Variants in IQCM observed in about 807,000 individuals in gnomAD.
IQCM encodes the protein IQ domain-containing protein M.
A neutral mutation model predicts 57.6 loss-of-function variants in IQCM; 45 were observed. The observed-to-expected ratio is 0.78, with a 90% CI of 0.62 to 1.00. The LOEUF is 1.00. IQCM is among the 50% of genes least tolerant of loss of function. The pLI is 0.00. For missense variants in IQCM, 468 were observed against 511.6 expected, an observed-to-expected ratio of 0.91 and a Z score of 0.82; for synonymous variants, 148 against 158.9, an observed-to-expected ratio of 0.93 and a Z score of 0.51.
intron 12 of IQCM, among the ~76,000 whole-genome samples, chr4:149,474,881 G>A (rs890330994): frequency 2.6e-5 from 4 of 152,018 alleles, no homozygotes; most frequent in East Asian, 1.9e-4. Context: ...TGGCCACGGT[G>A]TTCAAAAAAA....
chr4:149,737,415 C>T (rs1767040266), intron 3 of IQCM, among the ~76,000 whole-genome samples: 1 of 152,112 alleles, frequency 6.6e-6, no homozygotes, highest in African/African-American at 2.4e-5. Context: ...GGGTATGTGA[C>T]AAATCAAGTA....
intron 12 of IQCM, among the ~76,000 whole-genome samples, chr4:149,502,653 G>A (rs967376833): frequency 6.6e-6 from 1 of 151,894 alleles, no homozygotes. Context: ...CAGCCTGGGT[G>A]AGAGAATGAG....
chr4:149,756,879 A>T (rs1361118228), intron 2 of IQCM, among the ~76,000 whole-genome samples: 1 of 152,248 alleles, frequency 6.6e-6, no homozygotes, highest in African/African-American at 2.4e-5. Flanking sequence ...TAAAGGTAAC[A>T]TTTAATAGAA....
intron 7 of IQCM, among the ~76,000 whole-genome samples, chr4:149,637,369 A>G (rs995889075): frequency 1.3e-5 from 2 of 152,142 alleles, no homozygotes; most frequent in Non-Finnish European, 2.9e-5. Context: ...AACATTGCTG[A>G]GAGATTAAAG....
At chr4:149,709,314 G>T (rs543187400) in intron 5 of IQCM, among the ~76,000 whole-genome samples, 14 of 152,120 alleles carry the variant, frequency 9.2e-5, no homozygotes, top group South Asian at 4.1e-4. Flanking sequence ...TGGTTGAAGA[G>T]AAATAAAGGA....
At chr4:149,586,109 G>C (rs2149996599) in intron 9 of IQCM, among the ~76,000 whole-genome samples, 1 of 151,654 alleles carries the variant, frequency 6.6e-6, no homozygotes, top group African/African-American at 2.4e-5. Flanking sequence ...AAGGAAAAAA[G>C]GCTTCCCAAA....
intron 13 of IQCM, among the ~76,000 whole-genome samples, chr4:149,375,005 T>C (rs1387823497): frequency 6.6e-6 from 1 of 151,522 alleles, no homozygotes; most frequent in Non-Finnish European, 1.5e-5. Context: ...GTGTTGTGTG[T>C]GTGTGATGTT....
At chr4:149,755,032 C>T (rs907187968) in intron 2 of IQCM, among the ~76,000 whole-genome samples, 2 of 152,172 alleles carry the variant, frequency 1.3e-5, no homozygotes, top group African/African-American at 2.4e-5. Context: ...CTGTTTTGTA[C>T]ATTCTACGTC....
chr4:149,762,278 C>T (rs1023010245), intron 2 of IQCM, among the ~76,000 whole-genome samples: 14 of 150,468 alleles, frequency 9.3e-5, no homozygotes, highest in Non-Finnish European at 1.9e-4. Flanking sequence ...ATATCTGTCA[C>T]GGGTAGGGAG....
intron 7 of IQCM, among the ~76,000 whole-genome samples, chr4:149,624,534 A>T (rs1756631491): frequency 6.6e-6 from 1 of 152,200 alleles, no homozygotes; most frequent in African/African-American, 2.4e-5. Flanking sequence ...CAAATGACTC[A>T]CAGAAAACTG....
At chr4:149,383,569 C>T (rs1162191188) in intron 13 of IQCM, among the ~76,000 whole-genome samples, 1 of 152,134 alleles carries the variant, frequency 6.6e-6, no homozygotes, top group African/African-American at 2.4e-5. Flanking sequence ...TCTAATATTA[C>T]ATTTGAAAGA....
intron 9 of IQCM, among the ~76,000 whole-genome samples, chr4:149,573,632 C>T (rs539342815): frequency 1.3e-5 from 2 of 151,816 alleles, no homozygotes; most frequent in South Asian, 4.2e-4. Flanking sequence ...TTCTCCTTCA[C>T]TCTTCAAAAT....
At chr4:149,702,340 C>T (rs1250618941) in intron 5 of IQCM, among the ~76,000 whole-genome samples, 1 of 150,068 alleles carries the variant, frequency 6.7e-6, no homozygotes, top group Non-Finnish European at 1.5e-5. Context: ...ACCCATAGCA[C>T]ATTGGCATTT....
intron 12 of IQCM, among the ~76,000 whole-genome samples, chr4:149,502,615 A>G (rs1743373125): frequency 6.6e-6 from 1 of 152,206 alleles, no homozygotes; most frequent in South Asian, 2.1e-4. Context: ...TCGAGGCTGC[A>G]GTGAGCCATG....
intron 12 of IQCM, among the ~76,000 whole-genome samples, chr4:149,524,925 C>T (rs1284673529): frequency 6.6e-6 from 1 of 151,206 alleles, no homozygotes; most frequent in African/African-American, 2.4e-5. Flanking sequence ...TAATATAAAC[C>T]AATAGTGGTA....
intron 4 of IQCM, among the ~76,000 whole-genome samples, chr4:149,734,001 T>A (rs1766703869): frequency 6.6e-6 from 1 of 152,078 alleles, no homozygotes; most frequent in African/African-American, 2.4e-5. Flanking sequence ...ATACTGGTAA[T>A]ACAACATACA....
intron 7 of IQCM, among the ~76,000 whole-genome samples, chr4:149,632,295 A>C (rs1004369451): frequency 6.6e-6 from 1 of 152,238 alleles, no homozygotes; most frequent in Non-Finnish European, 1.5e-5. Context: ...GCAATGTGAA[A>C]GAATGATTAA....
intron 13 of IQCM, among the ~76,000 whole-genome samples, chr4:149,373,116 G>C (rs923177066): frequency 2.0e-5 from 3 of 152,142 alleles, no homozygotes; most frequent in Admixed American, 6.6e-5. Flanking sequence ...ACTAAATGTA[G>C]AAAGTTTTAA....
chr4:149,600,997 C>A (rs1406763184), intron 8 of IQCM, among the ~76,000 whole-genome samples: 1 of 152,112 alleles, frequency 6.6e-6, no homozygotes, highest in Non-Finnish European at 1.5e-5. Flanking sequence ...GGCATTCCTA[C>A]CCCACACAAT....
Sources: gnomAD v4.1 joint callset for allele counts (sites outside exome capture counted in the v4.1 genomes callset) on GRCh38, gnomAD v4.1.1 for gene constraint, MANE v1.5 for transcripts, NCBI Gene and HGNC (gene_info 2026-07-23, HGNC 2026-07-21) for gene names.